The following GRID2 variants were observed in gnomAD, a reference collection of about 807,000 sequenced individuals.
GRID2 encodes glutamate ionotropic receptor delta type subunit 2, also known as glutamate receptor ionotropic, delta-2.
Under a neutral mutation model 114.8 loss-of-function variants are expected in GRID2, and 33 were observed. The ratio of observed to expected loss-of-function variants is 0.29; its 90% confidence interval spans 0.22 to 0.38. The LOEUF (loss-of-function observed/expected upper bound fraction) is 0.38. GRID2 is among the 10% of genes least tolerant of loss of function. The pLI is 1.00. For synonymous variants in GRID2, 505 were observed against 449.9 expected, an observed-to-expected ratio of 1.12 and a Z score of -1.55; for missense variants, 1,184 against 1,257.7, an observed-to-expected ratio of 0.94 and a Z score of 0.89.
At chr4:92,783,370 A>G (rs918247064) in intron 2 of GRID2, among the ~76,000 whole-genome samples, 2 of 152,096 alleles carry the variant, frequency 1.3e-5, no homozygotes, top group African/African-American at 4.8e-5. Context: ...TAGCAAATAA[A>G]ATCAGAGAAT....
chr4:93,401,055 AC>A (rs1188922544), intron 9 of GRID2, among the ~76,000 whole-genome samples: 1 of 151,468 alleles, frequency 6.6e-6, no homozygotes, highest in Non-Finnish European at 1.5e-5. Context: ...CTGGTCTTGA[AC>A]TCCTGGCCTC....
intron 4 of GRID2, among the ~76,000 whole-genome samples, chr4:93,195,467 G>GT (rs142956010): frequency 0.022 from 3,299 of 152,268 alleles, 62 homozygotes; most frequent in Non-Finnish European, 0.033. Context: ...CAGCTCCACT[G>GT]TTTGAGAGTT....
intron 1 of GRID2, among the ~76,000 whole-genome samples, chr4:92,498,894 A>G (rs1173587469): frequency 6.7e-6 from 1 of 149,468 alleles, no homozygotes; most frequent in African/African-American, 2.5e-5. Flanking sequence ...AGTATGCCAA[A>G]TCATGTAGGA....
chr4:92,567,080 A>G (rs1727372481), intron 1 of GRID2, among the ~76,000 whole-genome samples: 1 of 152,034 alleles, frequency 6.6e-6, no homozygotes, highest in African/African-American at 2.4e-5. Flanking sequence ...TTGATTGTTC[A>G]CTACTTCACT....
At chr4:93,626,208 A>G (rs1004719010) in intron 13 of GRID2, 61 bp from the exon 14 acceptor site, 20 of 838,148 alleles carry the variant, frequency 2.4e-5, no homozygotes, top group Non-Finnish European at 3.4e-5. Context: ...CATCCTGTCT[A>G]TGTAAATTAA....
chr4:93,252,743 T>C (rs1749111274), intron 8 of GRID2, among the ~76,000 whole-genome samples: 1 of 152,144 alleles, frequency 6.6e-6, no homozygotes, highest in Non-Finnish European at 1.5e-5. Context: ...CTGATTTCCT[T>C]GAGCAGCGTT....
chr4:92,974,869 A>G (rs534922134), intron 2 of GRID2, among the ~76,000 whole-genome samples: 2 of 152,084 alleles, frequency 1.3e-5, no homozygotes, highest in South Asian at 2.1e-4. Context: ...AAAAGTGTTG[A>G]TTAACAGGCC....
chr4:93,506,304 AT>A (rs902415189), intron 12 of GRID2, among the ~76,000 whole-genome samples: 3 of 152,170 alleles, frequency 2.0e-5, no homozygotes, highest in Non-Finnish European at 2.9e-5. Context: ...CTTCAGGGTC[AT>A]CTGCTGGTCT....
chr4:93,032,179 G>A (rs1251180280), intron 2 of GRID2, among the ~76,000 whole-genome samples: 1 of 152,042 alleles, frequency 6.6e-6, no homozygotes, highest in Non-Finnish European at 1.5e-5. Context: ...CCTATTTTCA[G>A]CTCTAGGACA....
At chr4:93,275,431 C>CATATATATATATATATAT (rs3078736) in intron 8 of GRID2, among the ~76,000 whole-genome samples, 1 of 147,958 alleles carries the variant, frequency 6.8e-6, no homozygotes, top group African/African-American at 2.5e-5. Flanking sequence ...TGGATATATA[C>CATATATATATATATATAT]ATATATATAT....
chr4:92,735,604 T>G (rs554111859), intron 2 of GRID2, among the ~76,000 whole-genome samples: 65 of 152,238 alleles, frequency 4.3e-4, no homozygotes, highest in African/African-American at 1.2e-3. Flanking sequence ...TTAGGAACTT[T>G]AATTAACTAC....
chr4:92,747,407 T>C (rs2149335840), intron 2 of GRID2, among the ~76,000 whole-genome samples: 1 of 152,176 alleles, frequency 6.6e-6, no homozygotes, highest in African/African-American at 2.4e-5. Flanking sequence ...GCTTAAGGCA[T>C]TTGCCTTAAA....
intron 1 of GRID2, among the ~76,000 whole-genome samples, chr4:92,364,009 G>A (rs368994435): frequency 1.3e-5 from 2 of 151,636 alleles, no homozygotes; most frequent in African/African-American, 4.8e-5. Flanking sequence ...TAGTAGAGAT[G>A]GGGATTTCAC....
chr4:93,386,345 A>T (rs1194537553), intron 8 of GRID2, among the ~76,000 whole-genome samples: 1 of 152,188 alleles, frequency 6.6e-6, no homozygotes, highest in Non-Finnish European at 1.5e-5. Flanking sequence ...TAATTCTGAC[A>T]GGATTATAGC....
intron 7 of GRID2, among the ~76,000 whole-genome samples, chr4:93,227,586 T>A (rs1035076544): frequency 3.9e-5 from 6 of 152,206 alleles, no homozygotes; most frequent in Non-Finnish European, 5.9e-5. Context: ...ATTTTTTGTC[T>A]GCTTCTGTCT....
chr4:92,320,023 C>T (rs1194397295), intron 1 of GRID2, among the ~76,000 whole-genome samples: 1 of 152,028 alleles, frequency 6.6e-6, no homozygotes, highest in Non-Finnish European at 1.5e-5. Flanking sequence ...AGGTTGCAGC[C>T]AGTGTACTGA....
intron 14 of GRID2, among the ~76,000 whole-genome samples, chr4:93,680,955 T>A (rs1271649733): frequency 7.3e-5 from 11 of 151,298 alleles, no homozygotes; most frequent in African/African-American, 1.5e-4. Context: ...GAAGGAAATA[T>A]AAGGTATTCA....
chr4:93,392,179 C>A (rs1764920464), intron 8 of GRID2, among the ~76,000 whole-genome samples: 1 of 152,012 alleles, frequency 6.6e-6, no homozygotes, highest in Admixed American at 6.6e-5. Flanking sequence ...AAGCACTCAG[C>A]TGAATAGACA....
At chr4:93,499,819 A>G (rs145892290) in intron 12 of GRID2, among the ~76,000 whole-genome samples, 1 of 152,016 alleles carries the variant, frequency 6.6e-6, no homozygotes, top group Non-Finnish European at 1.5e-5. Flanking sequence ...GGGTTTTCTC[A>G]TTTAGTCTTC....
Sources: allele counts gnomAD v4.1 joint callset (sites outside exome capture counted in the v4.1 genomes callset), GRCh38; gene constraint gnomAD v4.1.1; transcripts MANE v1.5; gene names NCBI Gene and HGNC (gene_info 2026-07-23, HGNC 2026-07-21).